The following GAB1 variants were observed in gnomAD, a reference collection of about 807,000 sequenced individuals.
GAB1 encodes the protein GRB2-associated-binding protein 1.
A neutral mutation model predicts 66.5 loss-of-function variants in GAB1; 19 were observed. The observed-to-expected ratio is 0.29, with a 90% CI of 0.20 to 0.42. The LOEUF (loss-of-function observed/expected upper bound fraction) is 0.42. GAB1 is among the 10% of genes least tolerant of loss of function. GAB1 has a pLI of 1.00. For missense variants in GAB1, 732 were observed against 858.5 expected (o/e 0.85, Z 1.84); for synonymous variants, 294 against 301.4 (o/e 0.98, Z 0.25).
intron 6 of GAB1, among the ~76,000 whole-genome samples, chr4:143,449,900 T>A (rs185128189): frequency 7.9e-5 from 12 of 152,186 alleles, no homozygotes; most frequent in Non-Finnish European, 1.8e-4. Context: ...GGTGTTTACA[T>A]TTTGGCATGA....
At chr4:143,413,949 G>A (rs1186079460) in intron 1 of GAB1, among the ~76,000 whole-genome samples, 2 of 148,862 alleles carry the variant, frequency 1.3e-5, no homozygotes, top group East Asian at 2.0e-4. Context: ...AGCCTCCTAA[G>A]TAGCTGGGAT....
intron 1 of GAB1, among the ~76,000 whole-genome samples, chr4:143,367,930 G>A (rs1729957759): frequency 1.3e-5 from 2 of 151,888 alleles, no homozygotes; most frequent in African/African-American, 4.8e-5. Flanking sequence ...TCACCGTGTT[G>A]CCCAGGCTGG....
At chr4:143,364,298 G>A (rs1454141758) in intron 1 of GAB1, among the ~76,000 whole-genome samples, 1 of 151,692 alleles carries the variant, frequency 6.6e-6, no homozygotes. Flanking sequence ...GCATGGGCTT[G>A]TGAAATCTCC....
chr4:143,430,200 G>A (rs1733578355), intron 2 of GAB1, among the ~76,000 whole-genome samples: 1 of 152,024 alleles, frequency 6.6e-6, no homozygotes, highest in Non-Finnish European at 1.5e-5. Context: ...CTTTTGAAGA[G>A]GATCAAAACA....
At chr4:143,403,823 T>G (rs1731900014) in intron 1 of GAB1, among the ~76,000 whole-genome samples, 1 of 152,240 alleles carries the variant, frequency 6.6e-6, no homozygotes, top group Non-Finnish European at 1.5e-5. Flanking sequence ...AAGGCATAAT[T>G]TATCTCTTTG....
intron 6 of GAB1, among the ~76,000 whole-genome samples, chr4:143,443,163 C>T (rs1173174170): frequency 6.6e-6 from 1 of 151,822 alleles, no homozygotes; most frequent in African/African-American, 2.4e-5. Flanking sequence ...ACTACAGGCA[C>T]CTGCCACCAC....
intron 6 of GAB1, among the ~76,000 whole-genome samples, chr4:143,444,058 AGATGAGTCACTG>A (rs1236365793): frequency 2.0e-5 from 3 of 152,258 alleles, no homozygotes; most frequent in Non-Finnish European, 4.4e-5. Flanking sequence ...TTGGGAAAGC[AGATGAGTCACTG>A]GAAATACAGG....
chr4:143,453,469 T>G (rs1471457202), intron 6 of GAB1, among the ~76,000 whole-genome samples: 1 of 152,188 alleles, frequency 6.6e-6, no homozygotes, highest in African/African-American at 2.4e-5. Flanking sequence ...CCTTGGAACA[T>G]GTGACATCTT....
At chr4:143,365,282 T>C (rs1463710715) in intron 1 of GAB1, among the ~76,000 whole-genome samples, 3 of 152,140 alleles carry the variant, frequency 2.0e-5, no homozygotes, top group Non-Finnish European at 4.4e-5. Flanking sequence ...ACATTACTAA[T>C]ATTCTTTTCT....
chr4:143,351,659 C>T (rs1403242823), intron 1 of GAB1, among the ~76,000 whole-genome samples: 1 of 152,154 alleles, frequency 6.6e-6, no homozygotes, highest in Non-Finnish European at 1.5e-5. Flanking sequence ...TTCCCTTCCC[C>T]ACTTCCATAT....
At chr4:143,398,339 C>G (rs1731566994) in intron 1 of GAB1, among the ~76,000 whole-genome samples, 1 of 152,160 alleles carries the variant, frequency 6.6e-6, no homozygotes, top group East Asian at 1.9e-4. Context: ...GTATGGATCT[C>G]TCATTTGATT....
At chr4:143,366,975 T>A (rs1365360213) in intron 1 of GAB1, among the ~76,000 whole-genome samples, 1 of 152,030 alleles carries the variant, frequency 6.6e-6, no homozygotes, top group African/African-American at 2.4e-5. Flanking sequence ...TTTTCCCAAA[T>A]TTTTTCCCCT....
intron 1 of GAB1, among the ~76,000 whole-genome samples, chr4:143,355,162 C>G (rs895025160): frequency 6.6e-6 from 1 of 152,122 alleles, no homozygotes; most frequent in African/African-American, 2.4e-5. Context: ...ATTTTTTACT[C>G]TTTCTATTCT....
intron 1 of GAB1, among the ~76,000 whole-genome samples, chr4:143,397,456 A>G (rs1181250590): frequency 6.6e-6 from 1 of 152,228 alleles, no homozygotes; most frequent in Non-Finnish European, 1.5e-5. Context: ...TCAGATGTAC[A>G]GATGAAACAG....
intron 3 of GAB1, among the ~76,000 whole-genome samples, chr4:143,436,614 G>C (rs1489091232): frequency 2.6e-5 from 4 of 152,114 alleles, no homozygotes; most frequent in Admixed American, 6.6e-5. Context: ...CTAAGAAGAA[G>C]GGCTCGGTGC....
intron 1 of GAB1, among the ~76,000 whole-genome samples, chr4:143,366,652 C>T (rs909571292): frequency 6.6e-6 from 1 of 152,128 alleles, no homozygotes; most frequent in Non-Finnish European, 1.5e-5. Flanking sequence ...TACGCAGGCA[C>T]ACTCCTTCCT....
At chr4:143,345,140 G>A (rs1296625589) in intron 1 of GAB1, among the ~76,000 whole-genome samples, 2 of 152,216 alleles carry the variant, frequency 1.3e-5, no homozygotes, top group Non-Finnish European at 2.9e-5. Flanking sequence ...AGAAATGTGA[G>A]TTAACTTTTT....
At chr4:143,360,997 A>G (rs1560718425) in intron 1 of GAB1, among the ~76,000 whole-genome samples, 1 of 152,186 alleles carries the variant, frequency 6.6e-6, no homozygotes, top group East Asian at 1.9e-4. Context: ...CCAACAAGAC[A>G]TATTTTTGCT....
chr4:143,445,871 C>T (rs1734488224), intron 6 of GAB1, among the ~76,000 whole-genome samples: 1 of 151,996 alleles, frequency 6.6e-6, no homozygotes, highest in Admixed American at 6.6e-5. Context: ...TATACATGTG[C>T]CATGCTGGTG....
Sources: allele counts gnomAD v4.1 joint callset (sites outside exome capture counted in the v4.1 genomes callset), GRCh38; gene constraint gnomAD v4.1.1; transcripts MANE v1.5; gene names NCBI Gene and HGNC (gene_info 2026-07-23, HGNC 2026-07-21).